The following CRY2 variants were observed in gnomAD, a reference collection of about 807,000 sequenced individuals.
CRY2 encodes the protein cryptochrome circadian regulator 2, also known as cryptochrome-2.
CRY2 carries 31 observed loss-of-function variants against 69.5 expected under a neutral mutation model. The observed-to-expected ratio is 0.45, with a 90% CI of 0.34 to 0.60. The LOEUF is 0.60. CRY2 is among the 20% of genes least tolerant of loss of function. The probability of loss-of-function intolerance (pLI) is 0.02; values close to 1 mark genes in which losing one functional copy is unlikely to be tolerated. For missense variants in CRY2, 606 were observed against 797.8 expected (o/e 0.76, Z 2.90); for synonymous variants, 303 against 312.2 (o/e 0.97, Z 0.31).
chr11:45,862,793 C>T (rs2086298576), intron 5 of CRY2, among the ~76,000 whole-genome samples: 1 of 152,196 alleles, frequency 6.6e-6, no homozygotes, highest in East Asian at 1.9e-4. Flanking sequence ...AAATGGCCCA[C>T]CTCCCAGTGC....
chr11:45,870,202 C>G lies in CRY2; in HGVS notation c.1344C>G (p.Ile448Met). 6.2e-7 allele frequency: 1 copy of G among 1,612,036 alleles called. No homozygotes were observed. The highest frequency in any genetic ancestry group is 8.5e-7 in the Non-Finnish European group (1 of 1,178,960). Reference sequence around the variant, plus strand: ...GCACGGACCCCAGTGGGGACTACATCAGGTGAGGATACAGACCAGGCTCTC... The same window carrying G: ...GCACGGACCCCAGTGGGGACTACATGAGGTGAGGATACAGACCAGGCTCTC... ...GRRTDPSGDYIRRYLPKLKAF... is the reference protein window; with the variant it reads ...GRRTDPSGDYMRRYLPKLKAF... The change falls in exon 8 of 12, where the codon ATC (isoleucine) becomes ATG (methionine). Residue 448 changes from isoleucine to methionine, a missense_variant and splice_region_variant. Coordinates refer to ENST00000616080, the MANE Select transcript of CRY2 (RefSeq NM_021117.5).
intron 10 of CRY2, among the ~76,000 whole-genome samples, chr11:45,871,284 A>G (rs2086379869): frequency 6.6e-6 from 1 of 152,172 alleles, no homozygotes; most frequent in Admixed American, 6.5e-5. Context: ...TAGCAAGAAA[A>G]AGCTCACAAA....
intron 10 of CRY2, among the ~76,000 whole-genome samples, chr11:45,871,496 GA>G (rs1440018806): frequency 1.3e-5 from 2 of 152,164 alleles, no homozygotes; most frequent in East Asian, 3.9e-4. Context: ...ACTTAGGTCT[GA>G]AAAAGCTCCC....
At chr11:45,861,939 C>CCCCCAGTA in intron 4 of CRY2, 121 bp from the exon 5 acceptor site, 1 of 808,736 alleles carries the variant, frequency 1.2e-6, no homozygotes, top group South Asian at 1.6e-5. Context: ...GATTATCTAA[C>CCCCCAGTA]CCCCAGTAGC....
At chr11:45,866,970 A>G (rs2086336319) in intron 5 of CRY2, among the ~76,000 whole-genome samples, 1 of 152,184 alleles carries the variant, frequency 6.6e-6, no homozygotes, top group Non-Finnish European at 1.5e-5. Flanking sequence ...AAGAAAAAAA[A>G]ATAAATAAAA....
chr11:45,864,094 G>A (rs2086310763), intron 5 of CRY2, among the ~76,000 whole-genome samples: 1 of 152,152 alleles, frequency 6.6e-6, no homozygotes, highest in South Asian at 2.1e-4. Flanking sequence ...CTGTAGTCTT[G>A]TCAAAGGGAT....
At chr11:45,879,650 TCTC>T (rs1466714913) in intron 11 of CRY2, among the ~76,000 whole-genome samples, 2 of 152,226 alleles carry the variant, frequency 1.3e-5, no homozygotes, top group Non-Finnish European at 2.9e-5. Flanking sequence ...GCAAGTTCCT[TCTC>T]CTCTCTGGTT....
Position 45,869,840 on chromosome 11 carries a change from G to C in CRY2, c.1194+23G>C, listed in dbSNP as rs1046360361. The C allele has an allele frequency of 1.9e-6, 3 of 1,588,552 alleles. No homozygotes were observed. In the African/African-American group the frequency reaches 4.0e-5, roughly 21 times the overall value. On this transcript the variant is annotated intron_variant, in intron 7 of 11. Transcript: ENST00000616080. ...CGGGTGAGTGCTCTCTCAACGAAAA[G>C]CTGGCCTGTACCCTCTGGTCAGGCC...
intron 11 of CRY2, among the ~76,000 whole-genome samples, chr11:45,872,499 G>C (rs2086393970): frequency 6.6e-6 from 1 of 152,068 alleles, no homozygotes; most frequent in Non-Finnish European, 1.5e-5. Context: ...CCAGCACTTT[G>C]GGAGGCCAAG....
rs1476936721 is a variant in CRY2, at chr11:45,869,723, G to A, written c.1100G>A (p.Arg367Lys). ...ATTGATGCCATCATGACCCAACTGA[G>A]GCAGGAGGGCTGGATCCACCACCTG... ...PWIDAIMTQL[R>K]QEGWIHHLAR... Residue 367 changes from arginine to lysine, a missense_variant, in exon 7 of 12, where the codon AGG becomes AAG. By Grantham distance (26) the Arg-to-Lys change is conservative. Around this residue, in one of 5 missense-constraint regions of CRY2, gnomAD observed 382 missense variants for 508.9 expected, o/e 0.75. Transcript: ENST00000616080. 6.2e-7 allele frequency: 1 copy of A among 1,614,172 alleles called. No homozygotes were observed. The highest frequency in any genetic ancestry group is 8.5e-7 in the Non-Finnish European group (1 of 1,180,018).
intron 6 of CRY2, chr11:45,867,991 G>A: frequency 7.6e-6 from 4 of 523,814 alleles, no homozygotes; most frequent in Non-Finnish European, 1.3e-5. Context: ...AGAGCAGAAG[G>A]ACAGGCAGAA....
chr11:45,867,942 A>G, intron 6 of CRY2, 190 bp downstream of exon 6: 1 of 678,496 alleles, frequency 1.5e-6, no homozygotes, highest in South Asian at 2.1e-5. Context: ...CCAAGCACAG[A>G]GTGAACTGCC....
At position 45,855,857 on chromosome 11, in the gene CRY2, C is replaced by G; in HGVS notation, c.216-125C>G. 6.0e-6 allele frequency: 5 copies of G among 837,004 alleles called. No individual in the cohort carries two copies. The South Asian group carries it at 6.9e-5, about 12-fold the overall frequency. 51.8% of individuals were successfully genotyped at this position (837,004 alleles called of 1,614,324 possible). Reference sequence around the variant, plus strand: ...TCCTGGGCTGGAACCCAGGCCTCTCCAGCCCTAGTGATCATGAGGCTGCCT... The same window carrying G: ...TCCTGGGCTGGAACCCAGGCCTCTCGAGCCCTAGTGATCATGAGGCTGCCT... On this transcript the variant is annotated intron_variant, in intron 1 of 11. Coordinates refer to ENST00000616080, the MANE Select transcript of CRY2 (RefSeq NM_021117.5).
At position 45,882,734 on chromosome 11, in the gene CRY2, G is replaced by A. The variant is rs1047351342; in HGVS notation, c.*1823G>A. ...GAGAATCGGGCCACTGCCAGAAAGAGAGTCAAGCAAACCTGGAAGGGCAAA... is the reference window on the plus strand; with the variant it reads ...GAGAATCGGGCCACTGCCAGAAAGAAAGTCAAGCAAACCTGGAAGGGCAAA... On this transcript the variant is annotated 3_prime_UTR_variant, in exon 12 of 12. Transcript: ENST00000616080. The A allele has an allele frequency of 2.5e-6, 1 of 398,838 alleles. No individual in the cohort carries two copies. The highest frequency in any genetic ancestry group is 4.4e-6 in the Non-Finnish European group (1 of 226,116). 24.7% of individuals were successfully genotyped at this position (398,838 alleles called of 1,614,324 possible).
chr11:45,869,558 G>A lies in CRY2; in HGVS notation c.935G>A (p.Arg312Gln), dbSNP rs1192902527. 17 of 1,614,186 alleles carry A rather than the reference G, an allele frequency of 1.1e-5. No homozygotes were observed. Among genetic ancestry groups the A allele is most frequent in the African/African-American group, 1.3e-5 (1 of 75,068 alleles). Residue 312 changes from arginine (R) to glutamine (Q), a missense_variant, in exon 7 of 12, where the codon CGA becomes CAA. Coordinates refer to ENST00000616080, the MANE Select transcript of CRY2 (RefSeq NM_021117.5). ...PLSLFGQLLW[R>Q]EFFYTAATNN... ...TCCCTATTTGGGCAACTCCTATGGC[G>A]AGAGTTCTTCTACACGGCAGCTACC...
upstream of CRY2, chr11:45,847,236 C>T (rs566297546): frequency 1.8e-4 from 275 of 1,551,126 alleles, 2 homozygotes; most frequent in African/African-American, 3.4e-3. Flanking sequence ...CCCCAGCCTG[C>T]GTCACTTGTC....
intron 5 of CRY2, 73 bp from the exon 6 acceptor site, chr11:45,867,539 C>T: frequency 6.3e-7 from 1 of 1,587,094 alleles, no homozygotes; most frequent in Non-Finnish European, 8.6e-7. Context: ...GATTCCTTAA[C>T]CACCCAATGC....
chr11:45,865,248 C>G (rs2086321188), intron 5 of CRY2, among the ~76,000 whole-genome samples: 1 of 151,864 alleles, frequency 6.6e-6, no homozygotes, highest in Non-Finnish European at 1.5e-5. Flanking sequence ...ATTATAAAAG[C>G]TGAGGTAGGG....
At chr11:45,880,327 C>T (rs145425933) in intron 11 of CRY2, among the ~76,000 whole-genome samples, 1 of 152,284 alleles carries the variant, frequency 6.6e-6, no homozygotes, top group African/African-American at 2.4e-5. Flanking sequence ...CTTCTCTTTG[C>T]CCCAGATTCC....
Sources: allele counts gnomAD v4.1 joint callset (sites outside exome capture counted in the v4.1 genomes callset), GRCh38; gene constraint gnomAD v4.1.1; regional missense constraint gnomAD v4.1.1; transcripts MANE v1.5; gene names NCBI Gene and HGNC (gene_info 2026-07-23, HGNC 2026-07-21).